The following GALNT2 variants were observed in gnomAD, a reference collection of about 807,000 sequenced individuals.
GALNT2 encodes polypeptide N-acetylgalactosaminyltransferase 2.
GALNT2 carries 31 observed loss-of-function variants against 81.4 expected under a neutral mutation model. The ratio of observed to expected loss-of-function variants is 0.38; its 90% confidence interval spans 0.29 to 0.51. The LOEUF is 0.51. Among genes scored for constraint, GALNT2 ranks in the 20% least tolerant of loss-of-function variants. GALNT2 has a pLI of 0.87. For synonymous variants in GALNT2, 303 were observed against 287.4 expected, an observed-to-expected ratio of 1.05 and a Z score of -0.55; for missense variants, 629 against 765.7, an observed-to-expected ratio of 0.82 and a Z score of 2.11.
rs538179294 is a variant in GALNT2, at chr1:230,113,845, T to A, written c.126+46439T>A. Among the ~76,000 whole-genome samples, 286 of 152,244 alleles carry A rather than the reference T, an allele frequency of 1.9e-3. 3 individuals are homozygous for A. The highest frequency in any genetic ancestry group is 6.4e-3 in the African/African-American group (264 of 41,536). ...CTTGCCAAATGTGGGAAGCGAGGCC[T>A]CTTCCCAGTTCTGCCTGTGACTCAA... On this transcript the variant is annotated intron_variant, in intron 1 of 15. Coordinates refer to ENST00000366672, the MANE Select transcript of GALNT2 (RefSeq NM_004481.5).
intron 3 of GALNT2, among the ~76,000 whole-genome samples, chr1:230,213,445 A>T (rs754981098): frequency 6.6e-5 from 10 of 152,164 alleles, no homozygotes; most frequent in Non-Finnish European, 1.5e-4. Context: ...GAGCTGCACC[A>T]TCTTTCTTTG....
chr1:230,277,367 C>T (rs920722592), intron 15 of GALNT2, among the ~76,000 whole-genome samples: 1 of 152,164 alleles, frequency 6.6e-6, no homozygotes, highest in Admixed American at 6.5e-5. Flanking sequence ...CTTGATTTAG[C>T]TGATGCTTTG....
intron 1 of GALNT2, among the ~76,000 whole-genome samples, chr1:230,172,654 A>AC (rs1449153706): frequency 6.6e-6 from 1 of 152,050 alleles, no homozygotes; most frequent in African/African-American, 2.4e-5. Flanking sequence ...CCTCATCCCC[A>AC]CGGCGCCTTT....
At chr1:230,239,471 C>T (rs947432562) in intron 6 of GALNT2, among the ~76,000 whole-genome samples, 1 of 152,294 alleles carries the variant, frequency 6.6e-6, no homozygotes, top group East Asian at 1.9e-4. Context: ...CCAATAGTCC[C>T]AAAGCTGAAG....
At chr1:230,165,531 G>C (rs1166334555) in intron 1 of GALNT2, among the ~76,000 whole-genome samples, 6 of 152,204 alleles carry the variant, frequency 3.9e-5, no homozygotes, top group Non-Finnish European at 4.4e-5. Context: ...TCGCTTTCTA[G>C]TTCTTGATGT....
chr1:230,094,470 T>C (rs1333669766), intron 1 of GALNT2, among the ~76,000 whole-genome samples: 2 of 152,048 alleles, frequency 1.3e-5, no homozygotes, highest in African/African-American at 2.4e-5. Context: ...CCCCCCTCTC[T>C]ACTAAAAATA....
At chr1:230,191,662 C>A (rs547551348) in intron 2 of GALNT2, among the ~76,000 whole-genome samples, 16 of 152,300 alleles carry the variant, frequency 1.1e-4, no homozygotes, top group Middle Eastern at 6.8e-3. Context: ...CGGGTATGTG[C>A]CACTATGCCA....
intron 2 of GALNT2, among the ~76,000 whole-genome samples, chr1:230,201,298 G>T (rs761977216): frequency 4.6e-5 from 7 of 152,106 alleles, no homozygotes; most frequent in Non-Finnish European, 8.8e-5. Context: ...ACTGATTTTC[G>T]ATTTGAGAGG....
chr1:230,264,732 G>A (rs1665980759), intron 13 of GALNT2: 1 of 153,304 alleles, frequency 6.5e-6, no homozygotes, highest in Admixed American at 6.5e-5. Context: ...GCCAGCACCT[G>A]GCAGAGGTGG....
intron 6 of GALNT2, among the ~76,000 whole-genome samples, chr1:230,239,825 A>G (rs904817078): frequency 1.2e-4 from 18 of 152,330 alleles, no homozygotes; most frequent in African/African-American, 3.4e-4. Context: ...CTTTTCAGCA[A>G]TACTTTTCAT....
Position 230,191,320 on chromosome 1 carries a change from C to T in GALNT2, c.221-11817C>T, listed in dbSNP as rs537671057. ...GACAGTGACTCAGATTTTGAGGAAG[C>T]GGAAGCAGTGTCCGATGAGGAACAT... On this transcript the variant is annotated intron_variant, in intron 2 of 15. Coordinates refer to ENST00000366672, the MANE Select transcript of GALNT2 (RefSeq NM_004481.5). Among the ~76,000 whole-genome samples, 13 of 152,102 alleles carry T rather than the reference C, an allele frequency of 8.5e-5. 1 individual carries two copies. The highest frequency in any genetic ancestry group is 6.2e-4 in the South Asian group (3 of 4,816).
intron 1 of GALNT2, among the ~76,000 whole-genome samples, chr1:230,102,656 T>C (rs1028054889): frequency 6.6e-6 from 1 of 152,180 alleles, no homozygotes; most frequent in African/African-American, 2.4e-5. Flanking sequence ...AAAACACCTC[T>C]GCATCCAATT....
chr1:230,240,074 T>C (rs1252045008), intron 6 of GALNT2, among the ~76,000 whole-genome samples: 1 of 152,250 alleles, frequency 6.6e-6, no homozygotes, highest in East Asian at 1.9e-4. Flanking sequence ...GAGAAGAATA[T>C]GTGGATATGT....
chr1:230,221,818 CT>C (rs1664554873), intron 3 of GALNT2, among the ~76,000 whole-genome samples: 1 of 152,006 alleles, frequency 6.6e-6, no homozygotes, highest in Non-Finnish European at 1.5e-5. Context: ...TGATTTATAT[CT>C]TCCCAGAAGA....
intron 14 of GALNT2, among the ~76,000 whole-genome samples, chr1:230,273,508 G>C (rs140813632): frequency 1.1e-3 from 161 of 152,314 alleles, no homozygotes; most frequent in African/African-American, 3.6e-3. Context: ...TCATCCCTTT[G>C]AGTGGGACAA....
chr1:230,169,531 A>C (rs547847179), intron 1 of GALNT2, among the ~76,000 whole-genome samples: 4 of 152,256 alleles, frequency 2.6e-5, no homozygotes, highest in Non-Finnish European at 5.9e-5. Context: ...AGGGATTTAA[A>C]TAGGAGGATT....
intron 1 of GALNT2, among the ~76,000 whole-genome samples, chr1:230,120,112 C>T (rs12086717): frequency 0.43 from 62,749 of 147,358 alleles, 13,137 homozygotes; most frequent in South Asian, 0.54. Flanking sequence ...CATCTCCAAG[C>T]GTCTGCCACC....
chr1:230,098,970 A>T (rs1168030180), intron 1 of GALNT2, among the ~76,000 whole-genome samples: 10 of 152,146 alleles, frequency 6.6e-5, no homozygotes, highest in Non-Finnish European at 1.0e-4. Flanking sequence ...CTGTGCATTG[A>T]GCGGGCTGGT....
chr1:230,145,937 G>T (rs1236239322), intron 1 of GALNT2, among the ~76,000 whole-genome samples: 1 of 152,206 alleles, frequency 6.6e-6, no homozygotes, highest in East Asian at 1.9e-4. Context: ...TTATTATCCT[G>T]TGATTAAGAG....
Sources: allele counts gnomAD v4.1 joint callset (sites outside exome capture counted in the v4.1 genomes callset), GRCh38; gene constraint gnomAD v4.1.1; transcripts MANE v1.5; gene names NCBI Gene and HGNC (gene_info 2026-07-23, HGNC 2026-07-21).